The following ACAD8 variants were observed in gnomAD, a reference collection of about 807,000 sequenced individuals.
ACAD8 encodes isobutyryl-CoA dehydrogenase, mitochondrial.
ACAD8 carries 47 observed loss-of-function variants against 53.1 expected under a neutral mutation model. That is an observed-to-expected ratio of 0.89 (90% CI 0.70 to 1.13). The LOEUF (loss-of-function observed/expected upper bound fraction) is 1.13, where lower values mean the gene tolerates loss of function less well. Ranked by LOEUF, ACAD8 falls within the 50% of genes most tolerant of loss-of-function variation. ACAD8 has a pLI of 0.00. For synonymous variants in ACAD8, 198 were observed against 201.3 expected, an observed-to-expected ratio of 0.98 and a Z score of 0.14; for missense variants, 494 against 535.0, an observed-to-expected ratio of 0.92 and a Z score of 0.76.
At chr11:134,255,851 A>G (rs1269769763) in intron 1 of ACAD8, among the ~76,000 whole-genome samples, 1 of 152,218 alleles carries the variant, frequency 6.6e-6, no homozygotes, top group Non-Finnish European at 1.5e-5. Context: ...GCTTGTAGGC[A>G]CTGAAGTAAA....
rs1481453154 is a variant in ACAD8, at chr11:134,265,116, G to A, written c.*156G>A. On this transcript the variant is annotated 3_prime_UTR_variant, in exon 11 of 11. Coordinates refer to ENST00000281182, the MANE Select transcript of ACAD8 (RefSeq NM_014384.3). ...CACCCTGTGTGTTGGCACCAGCATC[G>A]GGTCTTGGACTGGGGCAGAATCCCC... 10 of 783,938 alleles carry A rather than the reference G, an allele frequency of 1.3e-5. No individual in the cohort carries two copies. Among genetic ancestry groups the A allele is most frequent in the Admixed American group, 5.8e-5 (3 of 51,392 alleles). The allele number at this position is 783,938 out of a possible 1,614,324, so 48.6% of individuals were successfully genotyped here. A position where few individuals can be genotyped will look rare whatever the true frequency, so the allele number is the denominator to read the frequency against.
rs1565375176 is a variant in ACAD8, at chr11:134,261,263, C to T, written c.842-12C>T. On this transcript the variant is annotated splice_polypyrimidine_tract_variant and intron_variant, in intron 7 of 10. Coordinates refer to ENST00000281182, the MANE Select transcript of ACAD8 (RefSeq NM_014384.3). This position sits in a 1 kb window ranked among gnomAD's most constrained non-coding sequence, Gnocchi z 4.2. ...CCAGCTTGGTTGGAACGTCGGCGCT[C>T]TTCCCCTCTAGCTTCCTGCTCCCTG... The T allele has an allele frequency of 6.2e-7, 1 of 1,614,188 alleles. No individual in the cohort carries two copies. The highest frequency in any genetic ancestry group is 8.5e-7 in the Non-Finnish European group (1 of 1,180,024).
chr11:134,257,192 C>G lies in ACAD8; in HGVS notation c.315C>G (p.Thr105=), dbSNP rs753612297. ...GGTCTGGGCTGTCACGTCTTGATAC[C>G]TCTGTCATTTTTGAAGCCTTGGCTA... is the stretch of plus-strand genomic sequence containing the variant. ...VGGSGLSRLD[T]SVIFEALATG... The change falls in exon 3 of 11, where the codon ACC becomes ACG. Residue 105 remains threonine, a synonymous_variant. Coordinates refer to ENST00000281182, the MANE Select transcript of ACAD8 (RefSeq NM_014384.3). 6.2e-7 allele frequency: 1 copy of G among 1,614,160 alleles called. No homozygotes were observed. The highest frequency in any genetic ancestry group is 1.1e-5 in the South Asian group (1 of 91,088).
chr11:134,262,497 G>C (rs565432685), intron 9 of ACAD8, 23 bp from the exon 10 acceptor site: 1 of 1,555,852 alleles, frequency 6.4e-7, no homozygotes, highest in South Asian at 1.1e-5. Context: ...AGTCCAAGAC[G>C]TCTAGTCCCT....
Position 134,261,799 on chromosome 11 carries a change from G to T in ACAD8, c.1001G>T (p.Arg334Leu). Residue 334 changes from arginine (R) to leucine (L), a missense_variant, in exon 9 of 11, where the codon CGC (arginine) becomes CTC (leucine). By Grantham distance (102) the Arg-to-Leu change is moderately radical. Transcript: ENST00000281182. This position sits in a 1 kb window ranked among gnomAD's most constrained non-coding sequence, Gnocchi z 4.2. ...CTGGTGGCCGCGCGGCTGATGGTCC[G>T]CAATGCAGCAGTGGCTCTGCAGGAG... Reference protein sequence around the residue: ...TRLVAARLMVRNAAVALQEER... With the variant: ...TRLVAARLMVLNAAVALQEER... 2 of 1,614,154 alleles carry T rather than the reference G, an allele frequency of 1.2e-6. No individual in the cohort carries two copies. Among genetic ancestry groups the T allele is most frequent in the South Asian group, 1.1e-5 (1 of 91,088 alleles).
chr11:134,259,603 C>G lies in ACAD8; in HGVS notation c.568-5C>G. ...GGTCCTTTTGCACCCCTTTTACCCC[C>G]ACAGGCCTTCATCAGTGGTGCTGGT... On this transcript the variant is annotated splice_region_variant and splice_polypyrimidine_tract_variant and intron_variant, in intron 5 of 10. Coordinates refer to ENST00000281182, the MANE Select transcript of ACAD8 (RefSeq NM_014384.3). 7 of 1,614,104 alleles carry G rather than the reference C, an allele frequency of 4.3e-6. No individual in the cohort carries two copies. The highest frequency in any genetic ancestry group is 5.9e-6 in the Non-Finnish European group (7 of 1,179,990).
At chr11:134,259,168 G>T in intron 5 of ACAD8, 84 bp downstream of exon 5, 2 of 1,227,290 alleles carry the variant, frequency 1.6e-6, no homozygotes, top group Non-Finnish European at 1.2e-6. Context: ...ACATCCGCGG[G>T]TTAATACTCC....
At position 134,257,255 on chromosome 11, in the gene ACAD8, C is replaced by G; in HGVS notation, c.378C>G (p.His126Gln). 1.2e-6 allele frequency: 2 copies of G among 1,614,168 alleles called. No individual in the cohort carries two copies. The highest frequency in any genetic ancestry group is 2.2e-5 in the South Asian group (2 of 91,092). Reference protein sequence around the residue: ...CTSTTAYISIHNMCAWMIDSF... With the variant: ...CTSTTAYISIQNMCAWMIDSF... ...GCACCACAGCCTATATAAGCATCCA[C>G]AAGTGAGTGCCCAAGCTTGGAAGGC... Residue 126 changes from histidine to glutamine, a missense_variant and splice_region_variant, in exon 3 of 11, where the codon CAC becomes CAG. By Grantham distance (24) the His-to-Gln change is conservative (BLOSUM62 0). Coordinates refer to ENST00000281182, the MANE Select transcript of ACAD8 (RefSeq NM_014384.3).
At chr11:134,256,967 G>T in intron 2 of ACAD8, 121 bp from the exon 3 acceptor site, 1 of 1,047,134 alleles carries the variant, frequency 9.5e-7, no homozygotes, top group Admixed American at 1.8e-5. Flanking sequence ...TGACAAACAG[G>T]CATATTAAGA....
chr11:134,256,932 A>G, intron 2 of ACAD8, 156 bp from the exon 3 acceptor site: 2 of 817,668 alleles, frequency 2.4e-6, no homozygotes, highest in South Asian at 1.5e-5. Context: ...TACAGGACCC[A>G]TGTTAACTGA....
At chr11:134,257,393 G>T in intron 3 of ACAD8, 136 bp downstream of exon 3, 1 of 1,145,656 alleles carries the variant, frequency 8.7e-7, no homozygotes, top group Non-Finnish European at 1.3e-6. Flanking sequence ...CACTCTAGGG[G>T]CCGGGCGCAG....
intron 9 of ACAD8, 126 bp downstream of exon 9, chr11:134,262,016 T>A: frequency 8.3e-7 from 1 of 1,200,354 alleles, no homozygotes; most frequent in Non-Finnish European, 1.2e-6. Context: ...ACCTTAAGCT[T>A]AAGGATATAA....
intron 6 of ACAD8, 86 bp from the exon 7 acceptor site, chr11:134,260,958 C>A: frequency 6.6e-7 from 1 of 1,522,350 alleles, no homozygotes; most frequent in East Asian, 2.4e-5. Context: ...GTGCTGAAAC[C>A]CATACCTCAC....
At chr11:134,262,258 G>A (rs781628825) in intron 9 of ACAD8, 1 of 655,914 alleles carries the variant, frequency 1.5e-6, no homozygotes, top group South Asian at 1.5e-5. Flanking sequence ...GGTGGCTGTG[G>A]GCAGCTTCTG....
chr11:134,260,110 A>G, intron 6 of ACAD8: 1 of 1,186,258 alleles, frequency 8.4e-7, no homozygotes, highest in Non-Finnish European at 1.1e-6. Flanking sequence ...TCAGTAATGG[A>G]AGGCGTGTGG....
chr11:134,262,685 A>C, intron 10 of ACAD8, 63 bp downstream of exon 10: 1 of 1,545,494 alleles, frequency 6.5e-7, no homozygotes, highest in African/African-American at 1.4e-5. Context: ...TGCTTTCCCC[A>C]CTCTCTGTCC....
intron 3 of ACAD8, among the ~76,000 whole-genome samples, chr11:134,257,565 C>T (rs1475713087): frequency 1.3e-5 from 2 of 151,766 alleles, no homozygotes; most frequent in Admixed American, 6.6e-5. Context: ...CCCAGCTACT[C>T]GGGAGGCTGA....
Position 134,265,781 on chromosome 11 carries a change from G to A in ACAD8, c.*821G>A, listed in dbSNP as rs1005588570. 6 of 151,888 alleles carry A rather than the reference G, an allele frequency of 4.0e-5. No individual in the cohort carries two copies. Among genetic ancestry groups the A allele is most frequent in the Non-Finnish European group, 5.9e-5 (4 of 67,978 alleles). The allele number at this position is 151,888 out of a possible 1,614,324, so 9.4% of individuals were successfully genotyped here. A position where few individuals can be genotyped will look rare whatever the true frequency, so the allele number is the denominator to read the frequency against. The stretch of plus-strand genomic sequence containing the variant: ...ACTATAGTTGATTTTTATTTTAAAT[G>A]TTTAATTGTATTTGATTAAACACTT... On this transcript the variant is annotated 3_prime_UTR_variant, in exon 11 of 11. Coordinates refer to ENST00000281182, the MANE Select transcript of ACAD8 (RefSeq NM_014384.3).
chr11:134,262,145 T>G (rs1453684346), intron 9 of ACAD8: 1 of 669,468 alleles, frequency 1.5e-6, no homozygotes, highest in Admixed American at 2.1e-5. Context: ...AGAAACCACC[T>G]TTGGAAGGTT....
Sources: allele counts gnomAD v4.1 joint callset (sites outside exome capture counted in the v4.1 genomes callset), GRCh38; gene constraint gnomAD v4.1.1; non-coding constraint Gnocchi (gnomAD v3.1); transcripts MANE v1.5; gene names NCBI Gene and HGNC (gene_info 2026-07-23, HGNC 2026-07-21).